The following EGFLAM variants were observed in gnomAD, a reference collection of about 807,000 sequenced individuals.
The protein encoded by EGFLAM is pikachurin.
In EGFLAM, 79 loss-of-function variants were observed where a neutral mutation model predicts 113.1. The observed-to-expected ratio is 0.70, with a 90% CI of 0.58 to 0.84. The LOEUF (loss-of-function observed/expected upper bound fraction) is 0.84, where lower values mean the gene tolerates loss of function less well. EGFLAM is among the 40% of genes least tolerant of loss of function. The probability of loss-of-function intolerance (pLI) is 0.00; values close to 1 mark genes in which losing one functional copy is unlikely to be tolerated. For missense variants in EGFLAM, 1,265 were observed against 1,291.6 expected (o/e 0.98, Z 0.32); for synonymous variants, 504 against 487.6 (o/e 1.03, Z -0.44).
At chr5:38,383,971 C>T (rs757865490) in intron 6 of EGFLAM, among the ~76,000 whole-genome samples, 1 of 151,878 alleles carries the variant, frequency 6.6e-6, no homozygotes, top group South Asian at 2.1e-4. Flanking sequence ...GGGGTCAGAG[C>T]GTGTCAAATC....
At chr5:38,409,685 T>C (rs1741410651) in intron 10 of EGFLAM, among the ~76,000 whole-genome samples, 1 of 152,146 alleles carries the variant, frequency 6.6e-6, no homozygotes, top group African/African-American at 2.4e-5. Flanking sequence ...CCTTCTCATC[T>C]CCCTTTGGCA....
intron 6 of EGFLAM, among the ~76,000 whole-genome samples, chr5:38,393,494 T>C (rs1187741197): frequency 6.6e-6 from 1 of 152,034 alleles, no homozygotes; most frequent in East Asian, 1.9e-4. Context: ...GCACCAGAAG[T>C]TCTTTATAGC....
At chr5:38,347,377 G>A (rs10053173) in intron 3 of EGFLAM, among the ~76,000 whole-genome samples, 6,903 of 152,242 alleles carry the variant, frequency 0.045, 528 homozygotes, top group African/African-American at 0.16. Flanking sequence ...GGCTTCAAGT[G>A]GGTGGGGACA....
chr5:38,301,254 AGGAGAGGGTTTCCCAAGGAAACCT>A (rs1024169398), intron 1 of EGFLAM, among the ~76,000 whole-genome samples: 7 of 152,176 alleles, frequency 4.6e-5, no homozygotes, highest in Admixed American at 6.5e-5. Context: ...GGAGGAAACC[AGGAGAGGGTTTCCCAAGGAAACCT>A]GGAACCCAAG....
At chr5:38,371,939 C>T (rs2112038165) in intron 6 of EGFLAM, among the ~76,000 whole-genome samples, 1 of 152,292 alleles carries the variant, frequency 6.6e-6, no homozygotes, top group East Asian at 1.9e-4. Flanking sequence ...GTGTCCCCAT[C>T]CACCCTCCCC....
chr5:38,291,384 T>TTTCTCTGCTTCCTGCACCACTACCAGC (rs1224721073), intron 1 of EGFLAM, among the ~76,000 whole-genome samples: 1 of 152,172 alleles, frequency 6.6e-6, no homozygotes, highest in African/African-American at 2.4e-5. Flanking sequence ...AGGTTTTCTG[T>TTTCTCTGCTTCCTGCACCACTACCAGC]TTCTCTGCTT....
intron 5 of EGFLAM, among the ~76,000 whole-genome samples, chr5:38,360,017 C>T (rs913201223): frequency 3.0e-4 from 46 of 152,208 alleles, no homozygotes; most frequent in African/African-American, 1.1e-3. Context: ...AAGTATTACT[C>T]GCAAATTGAT....
chr5:38,381,763 CA>C, intron 6 of EGFLAM, among the ~76,000 whole-genome samples: 1 of 152,232 alleles, frequency 6.6e-6, no homozygotes, highest in Admixed American at 6.5e-5. Context: ...GGGCAGCACA[CA>C]AGTGGAAGCC....
At chr5:38,281,710 G>C (rs1476495383) in intron 1 of EGFLAM, among the ~76,000 whole-genome samples, 1 of 152,070 alleles carries the variant, frequency 6.6e-6, no homozygotes, top group African/African-American at 2.4e-5. Context: ...AGGTGAAATG[G>C]GGCCAGAAAA....
At chr5:38,372,282 G>C (rs1196083951) in intron 6 of EGFLAM, among the ~76,000 whole-genome samples, 1 of 151,936 alleles carries the variant, frequency 6.6e-6, no homozygotes, top group East Asian at 1.9e-4. Context: ...AGCTGGTATT[G>C]CAGGTGCCCA....
At chr5:38,309,676 T>A (rs773071342) in intron 1 of EGFLAM, among the ~76,000 whole-genome samples, 6 of 152,214 alleles carry the variant, frequency 3.9e-5, no homozygotes, top group Non-Finnish European at 5.9e-5. Flanking sequence ...ACACTGTGTT[T>A]GTACCGTAAA....
chr5:38,461,621 G>C (rs1743276448), intron 20 of EGFLAM, among the ~76,000 whole-genome samples: 1 of 152,104 alleles, frequency 6.6e-6, no homozygotes, highest in Non-Finnish European at 1.5e-5. Context: ...TGGGAAGTTT[G>C]TGGTCTCAAA....
chr5:38,431,343 T>C (rs1194376182), intron 15 of EGFLAM, 55 bp downstream of exon 15: 12 of 1,551,824 alleles, frequency 7.7e-6, no homozygotes, highest in Non-Finnish European at 1.1e-5. Flanking sequence ...ATTACTGTTT[T>C]CTGCCTGTCT....
At chr5:38,421,577 A>G (rs1741825418) in intron 12 of EGFLAM, among the ~76,000 whole-genome samples, 1 of 152,238 alleles carries the variant, frequency 6.6e-6, no homozygotes, top group Non-Finnish European at 1.5e-5. Context: ...AGATCAAGTA[A>G]TGAACAAGAC....
At chr5:38,313,112 A>C (rs1738500082) in intron 1 of EGFLAM, among the ~76,000 whole-genome samples, 1 of 152,190 alleles carries the variant, frequency 6.6e-6, no homozygotes, top group South Asian at 2.1e-4. Context: ...AAATAAAATA[A>C]GTAAATAAAA....
At chr5:38,304,974 A>G (rs185317766) in intron 1 of EGFLAM, among the ~76,000 whole-genome samples, 3 of 152,272 alleles carry the variant, frequency 2.0e-5, no homozygotes, top group African/African-American at 7.2e-5. Flanking sequence ...TGGAAAACTC[A>G]CTTAAGGATT....
At chr5:38,340,442 A>G (rs1204983789) in intron 3 of EGFLAM, among the ~76,000 whole-genome samples, 2 of 152,186 alleles carry the variant, frequency 1.3e-5, no homozygotes, top group Non-Finnish European at 2.9e-5. Context: ...CAAATTCTGC[A>G]TTTGATCATC....
At chr5:38,422,364 G>A (rs116243197) in intron 12 of EGFLAM, among the ~76,000 whole-genome samples, 1 of 152,090 alleles carries the variant, frequency 6.6e-6, no homozygotes, top group Admixed American at 6.5e-5. Context: ...AACCTATTCA[G>A]CTACACTCTG....
chr5:38,275,706 A>G (rs1381936762), intron 1 of EGFLAM, among the ~76,000 whole-genome samples: 1 of 152,236 alleles, frequency 6.6e-6, no homozygotes, highest in East Asian at 1.9e-4. Context: ...ACTGCATTCC[A>G]GAACAACTGA....
Sources: allele counts gnomAD v4.1 joint callset (sites outside exome capture counted in the v4.1 genomes callset), GRCh38; gene constraint gnomAD v4.1.1; transcripts MANE v1.5; gene names NCBI Gene and HGNC (gene_info 2026-07-23, HGNC 2026-07-21).